The following PIEZO1 variants were observed in gnomAD, a reference collection of about 807,000 sequenced individuals.
PIEZO1 encodes piezo-type mechanosensitive ion channel component 1.
Under a neutral mutation model 297.2 loss-of-function variants are expected in PIEZO1, and 296 were observed. The ratio of observed to expected loss-of-function variants is 1.00; its 90% CI spans 0.91 to 1.10. PIEZO1 has a LOEUF of 1.10. Among genes scored for constraint, PIEZO1 ranks in the 50% least tolerant of loss-of-function variants. The probability of loss-of-function intolerance (pLI) is 0.00; values close to 1 mark genes in which losing one functional copy is unlikely to be tolerated. For synonymous variants in PIEZO1, 2,427 were observed against 1,507.5 expected (o/e 1.61, Z -14.13); for missense variants, 5,018 against 3,455.5 (o/e 1.45, Z -11.34).
In PIEZO1 at chr16:88,749,468, G is replaced by A. The variant is rs752527980; in HGVS notation, c.76C>T (p.Arg26Cys). 7.9e-6 allele frequency: 12 copies of A among 1,525,930 alleles called. No homozygotes were observed. In the East Asian group the frequency reaches 1.3e-4, roughly 16 times the overall value. 94.5% of individuals were successfully genotyped at this position (1,525,930 alleles called of 1,614,324 possible). A position where few individuals can be genotyped will look rare whatever the true frequency, so the allele number is the denominator to read the frequency against. Residue 26 changes from arginine (R) to cysteine (C), a missense_variant, in exon 2 of 51, where the codon CGC becomes TGC. Physicochemically the swap from Arg to Cys is radical, Grantham distance 180. Coordinates refer to ENST00000301015, the MANE Select transcript of PIEZO1 (RefSeq NM_001142864.4). ...PCALLAACLL[R>C]FSGLSLVYLL... ...TAGACCAGCGAGAGTCCGCTGAAGC[G>A]GAGCAGGCAGGCTGCGGGGAGATGG...
At chr16:88,737,128 C>T in intron 10 of PIEZO1, 1 of 241,572 alleles carries the variant, frequency 4.1e-6, no homozygotes, top group Non-Finnish European at 8.1e-6. Context: ...AGAAAGAGCC[C>T]CCAGGCCCTC....
rs1038911840 is a variant in PIEZO1, at chr16:88,732,593, G to T, written c.2790+14C>A. The T allele has an allele frequency of 6.5e-7, 1 of 1,546,444 alleles. No homozygotes were observed. The highest frequency in any genetic ancestry group is 8.7e-7 in the Non-Finnish European group (1 of 1,144,078). ...TACTCGCCCGCCCAGCCGCCCACCAGCCCTTCAACTCACCTGGATGTAGCC... is the reference window on the plus strand; with the variant it reads ...TACTCGCCCGCCCAGCCGCCCACCATCCCTTCAACTCACCTGGATGTAGCC... On this transcript the variant is annotated intron_variant, in intron 20 of 50. Transcript: ENST00000301015.
At chr16:88,725,385 G>C in intron 29 of PIEZO1, 31 bp downstream of exon 29, 2 of 1,270,856 alleles carry the variant, frequency 1.6e-6, no homozygotes, top group Non-Finnish European at 2.1e-6. Context: ...TGGACACGGG[G>C]CCCTGGGTGC....
At chr16:88,724,765 G>A (rs1904318003) in intron 30 of PIEZO1, among the ~76,000 whole-genome samples, 2 of 152,228 alleles carry the variant, frequency 1.3e-5, no homozygotes, top group African/African-American at 4.8e-5. Flanking sequence ...ACCACCATGT[G>A]TCATCGGGGC....
intron 2 of PIEZO1, among the ~76,000 whole-genome samples, chr16:88,746,403 C>T (rs1906058752): frequency 6.6e-6 from 1 of 152,134 alleles, no homozygotes; most frequent in Admixed American, 6.5e-5. Context: ...GGGAGCCACC[C>T]CCTGTGGCTC....
At chr16:88,719,541 C>T in intron 44 of PIEZO1, 33 bp downstream of exon 44, 2 of 1,542,260 alleles carry the variant, frequency 1.3e-6, no homozygotes, top group Non-Finnish European at 1.8e-6. Flanking sequence ...TATCCCTGGC[C>T]CTTGTCCCGG....
At chr16:88,772,065 C>A (rs1375573535) in intron 1 of PIEZO1, among the ~76,000 whole-genome samples, 1 of 143,362 alleles carries the variant, frequency 7.0e-6, no homozygotes. Context: ...CCAGGCCCAC[C>A]TGAGACTCTA....
chr16:88,737,524 G>T (rs568422816), intron 10 of PIEZO1, 35 bp downstream of exon 10: 3 of 1,412,576 alleles, frequency 2.1e-6, no homozygotes, highest in Non-Finnish European at 2.9e-6. Flanking sequence ...CCCGCCCCCC[G>T]CACCCAGCCA....
intron 42 of PIEZO1, 31 bp downstream of exon 42, chr16:88,720,038 G>A (rs1002179808): frequency 1.3e-6 from 2 of 1,549,510 alleles, no homozygotes; most frequent in South Asian, 2.4e-5. Context: ...CCCCGCCCCT[G>A]GAGACCGAGC....
chr16:88,736,866 G>A, intron 10 of PIEZO1, 127 bp from the exon 11 acceptor site: 2 of 591,566 alleles, frequency 3.4e-6, no homozygotes, highest in Non-Finnish European at 5.8e-6. Flanking sequence ...TGGGCTATGG[G>A]CAGAACACGA....
At chr16:88,756,344 A>G (rs970829611) in intron 1 of PIEZO1, among the ~76,000 whole-genome samples, 1 of 151,414 alleles carries the variant, frequency 6.6e-6, no homozygotes, top group Non-Finnish European at 1.5e-5. Flanking sequence ...CTGCCTCGGG[A>G]CTCTGGACCC....
At chr16:88,774,056 C>T (rs147528344) in intron 1 of PIEZO1, among the ~76,000 whole-genome samples, 1 of 152,170 alleles carries the variant, frequency 6.6e-6, no homozygotes, top group Admixed American at 6.5e-5. Context: ...CTGTGCCCGG[C>T]GATAAGGTCT....
chr16:88,761,501 C>T (rs1445390800), intron 1 of PIEZO1, among the ~76,000 whole-genome samples: 1 of 152,214 alleles, frequency 6.6e-6, no homozygotes, highest in Non-Finnish European at 1.5e-5. Context: ...GCCTTCCGGT[C>T]CCCACACCAT....
Position 88,715,491 on chromosome 16 carries a change from A to T in PIEZO1, c.*114T>A, listed in dbSNP as rs948617984. On this transcript the variant is annotated 3_prime_UTR_variant, in exon 51 of 51. Coordinates refer to ENST00000301015, the MANE Select transcript of PIEZO1 (RefSeq NM_001142864.4). ...CTCAGGCAGGCCGGGAGGATGCATC[A>T]CAGCTGGCGGCCTTGGACGGGGCAG... 1 of 1,145,418 alleles carries T rather than the reference A, an allele frequency of 8.7e-7. No homozygotes were observed. The highest frequency in any genetic ancestry group is 1.2e-6 in the Non-Finnish European group (1 of 812,190). The allele number at this position is 1,145,418 out of a possible 1,614,324, so 71.0% of individuals were successfully genotyped here.
Position 88,726,643 on chromosome 16 carries a change from G to C in PIEZO1, c.3700C>G (p.Leu1234Val). ...TGCTCCACGAAGACGCAGGCCAGGA[G>C]CTGGGGGAGAGCAGGGTCAGCGGGG... is the stretch of plus-strand genomic sequence containing the variant. ...TVIISKNMLS[L>V]LACVFVEQMQ... The change falls in exon 26 of 51, where the codon CTC becomes GTC. Residue 1234 changes from leucine to valine, a missense_variant and splice_region_variant. Transcript: ENST00000301015. 7 of 1,548,588 alleles carry C rather than the reference G, an allele frequency of 4.5e-6. No homozygotes were observed. The South Asian group carries it at 8.3e-5, about 18-fold the overall frequency.
chr16:88,772,635 C>T (rs186943812), intron 1 of PIEZO1, among the ~76,000 whole-genome samples: 151 of 152,220 alleles, frequency 9.9e-4, no homozygotes, highest in South Asian at 1.7e-3. Flanking sequence ...AAAAATGAGC[C>T]GGGCGTGATG....
In PIEZO1 at chr16:88,732,424, C is replaced by T; in HGVS notation, c.2902G>A (p.Ala968Thr). 5.8e-6 allele frequency: 9 copies of T among 1,549,762 alleles called. No individual in the cohort carries two copies. The highest frequency in any genetic ancestry group is 7.8e-6 in the Non-Finnish European group (9 of 1,146,538). Residue 968 changes from alanine (A) to threonine (T), a missense_variant, in exon 21 of 51, where the codon GCC becomes ACC. Ala to Thr is a moderately conservative substitution (Grantham distance 58, BLOSUM62 0). Transcript: ENST00000301015. Reference protein sequence around the residue: ...LAPLPAQAVFASGTRQQLDQD... With the variant: ...LAPLPAQAVFTSGTRQQLDQD... Reference sequence around the variant, plus strand: ...TCCAGCTGCTGGCGGGTGCCGCTGGCAAACACGGCCTGGGCAGGCAGCGGG... The same window carrying T: ...TCCAGCTGCTGGCGGGTGCCGCTGGTAAACACGGCCTGGGCAGGCAGCGGG...
At position 88,759,945 on chromosome 16, in the gene PIEZO1, C is replaced by T. The variant is rs80134627; in HGVS notation, c.65-10466G>A. 5.3e-5 allele frequency among the ~76,000 whole-genome samples: 8 copies of T among 152,116 alleles called. No individual in the cohort carries two copies. In the East Asian group the frequency reaches 1.5e-3, roughly 29 times the overall value. On this transcript the variant is annotated intron_variant, in intron 1 of 50. Coordinates refer to ENST00000301015, the MANE Select transcript of PIEZO1 (RefSeq NM_001142864.4). ...TGGAGGCCGAGCCCGGCCAGGCCCA[C>T]CTTCACCAGCCACCCTGGCATCCGG... is the stretch of plus-strand genomic sequence containing the variant.
intron 7 of PIEZO1, 40 bp from the exon 8 acceptor site, chr16:88,738,145 G>A: frequency 6.5e-7 from 1 of 1,535,058 alleles, no homozygotes; most frequent in Non-Finnish European, 8.7e-7. Flanking sequence ...CACCCCAGAG[G>A]CAGTGGGGCC....
Sources: gnomAD v4.1 joint callset for allele counts (sites outside exome capture counted in the v4.1 genomes callset) on GRCh38, gnomAD v4.1.1 for gene constraint, MANE v1.5 for transcripts, NCBI Gene and HGNC (gene_info 2026-07-23, HGNC 2026-07-21) for gene names.